MYO6: variants seen among roughly 807,000 people sequenced by gnomAD.
MYO6 encodes the protein unconventional myosin-VI.
In MYO6, 74 loss-of-function variants were observed where a neutral mutation model predicts 178.7. The observed-to-expected ratio is 0.41, with a 90% CI of 0.34 to 0.50. The LOEUF (loss-of-function observed/expected upper bound fraction) is 0.50. MYO6 is among the 20% of genes least tolerant of loss of function. The probability of loss-of-function intolerance (pLI) is 0.09; values close to 1 mark genes in which losing one functional copy is unlikely to be tolerated. For missense variants in MYO6, 1,330 were observed against 1,547.4 expected (o/e 0.86, Z 2.36); for synonymous variants, 477 against 504.6 (o/e 0.95, Z 0.73).
At chr6:75,861,676 T>C (rs1776226335) in intron 15 of MYO6, among the ~76,000 whole-genome samples, 1 of 152,210 alleles carries the variant, frequency 6.6e-6, no homozygotes, top group Admixed American at 6.5e-5. Flanking sequence ...AAATAAACTG[T>C]TGGGCAAACC....
intron 11 of MYO6, among the ~76,000 whole-genome samples, chr6:75,849,730 T>TA (rs1224177263): frequency 2.6e-5 from 4 of 152,128 alleles, no homozygotes; most frequent in Non-Finnish European, 5.9e-5. Flanking sequence ...AGGCGGGAAA[T>TA]ACGTGCAGGG....
intron 1 of MYO6, among the ~76,000 whole-genome samples, chr6:75,758,382 G>A (rs898509133): frequency 2.2e-4 from 33 of 152,118 alleles, no homozygotes; most frequent in African/African-American, 7.7e-4. Flanking sequence ...CTTATTTGGG[G>A]CTTATAGCAT....
intron 19 of MYO6, among the ~76,000 whole-genome samples, chr6:75,872,822 C>G (rs971963731): frequency 6.6e-6 from 1 of 151,880 alleles, no homozygotes; most frequent in African/African-American, 2.4e-5. Context: ...CTCTGTCACC[C>G]AGGCTGGAGT....
At chr6:75,851,764 C>T (rs1775289955) in intron 11 of MYO6, among the ~76,000 whole-genome samples, 1 of 151,992 alleles carries the variant, frequency 6.6e-6, no homozygotes, top group Non-Finnish European at 1.5e-5. Context: ...ATGATTGAGC[C>T]CTGGCGGTCG....
In MYO6 at chr6:75,899,735, T is replaced by A. The variant is rs12175581; in HGVS notation, c.3176+1324T>A. On this transcript the variant is annotated intron_variant, in intron 30 of 34. Coordinates refer to ENST00000369977, the MANE Select transcript of MYO6 (RefSeq NM_004999.4). ...TTTTTTTTCTTCTGGAACATTTTTT[T>A]AAAAAAATTATTATTATACTTTAAG... Among the ~76,000 whole-genome samples the A allele has an allele frequency of 1.2e-3, 184 of 151,688 alleles. 2 individuals are homozygous for A. Among genetic ancestry groups the A allele is most frequent in the Middle Eastern group, 0.01 (3 of 294 alleles).
At chr6:75,795,894 A>T (rs1448199297) in intron 1 of MYO6, among the ~76,000 whole-genome samples, 1 of 152,232 alleles carries the variant, frequency 6.6e-6, no homozygotes, top group Non-Finnish European at 1.5e-5. Flanking sequence ...TTGCTGAGTA[A>T]TAGCATTATT....
At chr6:75,793,362 T>C (rs1265434524) in intron 1 of MYO6, among the ~76,000 whole-genome samples, 2 of 152,152 alleles carry the variant, frequency 1.3e-5, no homozygotes, top group Non-Finnish European at 2.9e-5. Context: ...CCCAGCACTT[T>C]AGGAGGCCAA....
rs148600204 is a variant in MYO6, at chr6:75,911,288, A to G, written c.3413-384A>G. Among the ~76,000 whole-genome samples, 127 of 152,162 alleles carry G rather than the reference A, an allele frequency of 8.3e-4. 2 individuals carry two copies. The East Asian group carries it at 0.022, about 26-fold the overall frequency. On this transcript the variant is annotated intron_variant, in intron 32 of 34. Coordinates refer to ENST00000369977, the MANE Select transcript of MYO6 (RefSeq NM_004999.4). ...TAACGTTTTTACTCCTGTAATGTAT[A>G]TAATTTTTTGATGAATTCTCATTAT...
At chr6:75,861,561 A>G (rs1010728869) in intron 15 of MYO6, among the ~76,000 whole-genome samples, 3 of 152,204 alleles carry the variant, frequency 2.0e-5, no homozygotes, top group African/African-American at 7.2e-5. Context: ...AACACTGCGC[A>G]GCAAGAGAAT....
Position 75,787,764 on chromosome 6 carries a change from A to AT in MYO6, c.-47-29722dup, listed in dbSNP as rs1248489922. Among the ~76,000 whole-genome samples the AT allele has an allele frequency of 3.9e-3, 283 of 73,202 alleles. 3 individuals are homozygous for AT. Among genetic ancestry groups the AT allele is most frequent in the South Asian group, 0.012 (26 of 2,108 alleles). 48.0% of individuals were successfully genotyped at this position (73,202 alleles called of 152,430 possible). A position where few individuals can be genotyped will look rare whatever the true frequency, so the allele number is the denominator to read the frequency against. Reference sequence around the variant, plus strand: ...TATATATATATATATATATATATGTATTTTTTTTTTTTTTTGAGACAGTCT... The same window carrying AT: ...TATATATATATATATATATATATGTATTTTTTTTTTTTTTTTGAGACAGTCT... On this transcript the variant is annotated intron_variant, in intron 1 of 34. Coordinates refer to ENST00000369977, the MANE Select transcript of MYO6 (RefSeq NM_004999.4).
At chr6:75,873,933 GC>G (rs1777360801) in intron 20 of MYO6, among the ~76,000 whole-genome samples, 1 of 152,086 alleles carries the variant, frequency 6.6e-6, no homozygotes, top group Non-Finnish European at 1.5e-5. Context: ...TTTGCTTTAT[GC>G]CTTGCCCATC....
intron 1 of MYO6, among the ~76,000 whole-genome samples, chr6:75,782,517 C>A (rs1429957893): frequency 4.6e-5 from 7 of 152,124 alleles, no homozygotes; most frequent in Non-Finnish European, 4.4e-5. Context: ...TGAGTCATTT[C>A]ATATGGTGAT....
chr6:75,834,251 G>C (rs1302988699), intron 6 of MYO6, among the ~76,000 whole-genome samples: 1 of 151,772 alleles, frequency 6.6e-6, no homozygotes, highest in African/African-American at 2.4e-5. Flanking sequence ...TGAAAACAGG[G>C]TCTTGCTCTG....
At chr6:75,859,155 A>G (rs532389365) in intron 14 of MYO6, among the ~76,000 whole-genome samples, 162 bp downstream of exon 14, 33 of 152,314 alleles carry the variant, frequency 2.2e-4, no homozygotes, top group African/African-American at 7.9e-4. Flanking sequence ...GGGCTCAGGC[A>G]CGTCAGAAGT....
At chr6:75,833,146 C>T (rs1773293631) in intron 6 of MYO6, among the ~76,000 whole-genome samples, 199 bp downstream of exon 6, 1 of 152,136 alleles carries the variant, frequency 6.6e-6, no homozygotes, top group Non-Finnish European at 1.5e-5. Context: ...GCCACCATGC[C>T]CTGCTAATCT....
chr6:75,773,248 A>G (rs898981515), intron 1 of MYO6, among the ~76,000 whole-genome samples: 3 of 152,236 alleles, frequency 2.0e-5, no homozygotes, highest in Non-Finnish European at 4.4e-5. Flanking sequence ...TGAGTATCCA[A>G]TTATGATCAG....
chr6:75,768,967 G>A (rs1778682635), intron 1 of MYO6, among the ~76,000 whole-genome samples: 1 of 152,140 alleles, frequency 6.6e-6, no homozygotes. Flanking sequence ...GGCAAAGGGA[G>A]AGAGGTTGTT....
intron 1 of MYO6, among the ~76,000 whole-genome samples, chr6:75,793,472 C>T (rs1344211470): frequency 4.0e-5 from 6 of 151,806 alleles, no homozygotes; most frequent in African/African-American, 7.3e-5. Flanking sequence ...GACATGGTGG[C>T]GGGCGCCTGT....
At chr6:75,841,859 T>G (rs1035941115) in intron 9 of MYO6, among the ~76,000 whole-genome samples, 11 of 152,170 alleles carry the variant, frequency 7.2e-5, no homozygotes, top group African/African-American at 2.7e-4. Flanking sequence ...TATTAAGGTG[T>G]ACTGCTGAGT....
Sources: gnomAD v4.1 joint callset for allele counts (sites outside exome capture counted in the v4.1 genomes callset) on GRCh38, gnomAD v4.1.1 for gene constraint, MANE v1.5 for transcripts, NCBI Gene and HGNC (gene_info 2026-07-23, HGNC 2026-07-21) for gene names.